The following SLIRP variants were observed in gnomAD, a reference collection of about 807,000 sequenced individuals.
SLIRP encodes the protein SRA stem-loop interacting RNA binding protein.
A neutral mutation model predicts 13.4 loss-of-function variants in SLIRP; 12 were observed. The ratio of observed to expected loss-of-function variants is 0.89; its 90% CI spans 0.57 to 1.45. The LOEUF (loss-of-function observed/expected upper bound fraction) is 1.45, where lower values mean the gene tolerates loss of function less well. Ranked by LOEUF, SLIRP falls within the 40% of genes most tolerant of loss-of-function variation. The pLI is 0.00. For synonymous variants in SLIRP, 55 were observed against 47.1 expected (o/e 1.17, Z -0.69); for missense variants, 154 against 132.2 (o/e 1.17, Z -0.81).
intron 3 of SLIRP, chr14:77,716,200 C>T (rs916035541): frequency 5.6e-6 from 1 of 179,052 alleles, no homozygotes; most frequent in African/African-American, 2.4e-5. Flanking sequence ...CCTGTAGTCC[C>T]AGCTACTCGG....
chr14:77,712,348 A>T (rs2080446797), intron 2 of SLIRP, among the ~76,000 whole-genome samples: 1 of 146,700 alleles, frequency 6.8e-6, no homozygotes, highest in Non-Finnish European at 1.5e-5. Context: ...GTCTCAGCTT[A>T]CTGCAACCTC....
intron 1 of SLIRP, 157 bp from the exon 2 acceptor site, chr14:77,710,681 A>AT: frequency 6.4e-7 from 1 of 1,553,804 alleles, no homozygotes. Context: ...TTATGGCTTT[A>AT]TAGTCAGTAC....
At chr14:77,713,176 A>G (rs981003371) in intron 2 of SLIRP, among the ~76,000 whole-genome samples, 8 of 152,144 alleles carry the variant, frequency 5.3e-5, no homozygotes, top group African/African-American at 1.9e-4. Flanking sequence ...TTCATTGAGT[A>G]CCATTTTCTT....
chr14:77,713,254 G>T (rs1027952909), intron 2 of SLIRP, among the ~76,000 whole-genome samples: 2 of 152,032 alleles, frequency 1.3e-5, no homozygotes, highest in Admixed American at 1.3e-4. Context: ...TCTTGTGAGG[G>T]TTTAGAAATC....
intron 2 of SLIRP, 84 bp downstream of exon 2, chr14:77,710,980 T>C: frequency 9.1e-7 from 1 of 1,102,598 alleles, no homozygotes; most frequent in Non-Finnish European, 1.4e-6. Flanking sequence ...TATTTGATAG[T>C]ACAACAGGGT....
intron 1 of SLIRP, 77 bp downstream of exon 1, chr14:77,708,285 C>G: frequency 6.9e-7 from 1 of 1,443,918 alleles, no homozygotes; most frequent in Non-Finnish European, 9.7e-7. Flanking sequence ...TTGCAGGGTA[C>G]TTAAGTCAGC....
At chr14:77,715,919 T>C in intron 3 of SLIRP, 40 bp downstream of exon 3, 2 of 1,388,814 alleles carry the variant, frequency 1.4e-6, no homozygotes, top group Non-Finnish European at 1.0e-6. Context: ...ATGATATACA[T>C]GTAGGTACTA....
At chr14:77,710,556 G>A in intron 1 of SLIRP, 2 of 1,439,252 alleles carry the variant, frequency 1.4e-6, no homozygotes, top group Non-Finnish European at 1.8e-6. Context: ...TGCTCACAGG[G>A]ATCATAGTCC....
chr14:77,713,866 A>G (rs370475067), intron 2 of SLIRP, among the ~76,000 whole-genome samples: 3 of 152,260 alleles, frequency 2.0e-5, no homozygotes, highest in East Asian at 3.8e-4. Flanking sequence ...AAAAATGAAT[A>G]GATTTTTATT....
Position 77,717,523 on chromosome 14 carries a change from CT to C in SLIRP, c.294del (p.Pro99ArgfsTer17), listed in dbSNP as rs1277080607. The C allele has an allele frequency of 6.2e-7, 1 of 1,614,112 alleles. No homozygotes were observed. The highest frequency in any genetic ancestry group is 8.5e-7 in the Non-Finnish European group (1 of 1,180,006). ...KVQVHTRRPK[L>X]PQTSDDEKKD... Reference sequence around the variant, plus strand: ...CCAGGTTCACACTAGAAGGCCAAAACTTCCGCAAACATCTGATGATGAAAAG... The same window carrying C: ...CCAGGTTCACACTAGAAGGCCAAAACTCCGCAAACATCTGATGATGAAAAG... On this transcript the variant is annotated frameshift_variant, in exon 4 of 4. Coordinates refer to ENST00000557342, the MANE Select transcript of SLIRP (RefSeq NM_031210.6). LOFTEE classifies it high-confidence loss of function.
chr14:77,713,039 TTA>T (rs1459517918), intron 2 of SLIRP, among the ~76,000 whole-genome samples: 1 of 152,050 alleles, frequency 6.6e-6, no homozygotes, highest in Admixed American at 6.6e-5. Context: ...GGGGAGGAGA[TTA>T]TATAGGGTGT....
intron 1 of SLIRP, chr14:77,710,489 C>G: frequency 1.0e-6 from 1 of 983,594 alleles, no homozygotes; most frequent in Non-Finnish European, 1.4e-6. Context: ...ATTTGGAAAT[C>G]TTCAGTATAC....
chr14:77,716,642 CAAAA>C (rs56736320), intron 3 of SLIRP, among the ~76,000 whole-genome samples: 35 of 80,952 alleles, frequency 4.3e-4, no homozygotes, highest in South Asian at 3.5e-3. Flanking sequence ...AACTCCATCT[CAAAA>C]AAAAAAAAAA....
chr14:77,709,761 T>A (rs1033712078), intron 1 of SLIRP, among the ~76,000 whole-genome samples: 2 of 152,228 alleles, frequency 1.3e-5, no homozygotes, highest in African/African-American at 4.8e-5. Flanking sequence ...ATAAAACATA[T>A]GTTTAACATT....
intron 2 of SLIRP, 63 bp from the exon 3 acceptor site, chr14:77,715,709 T>A: frequency 7.3e-7 from 1 of 1,366,126 alleles, no homozygotes. Flanking sequence ...GTAGTTTGAT[T>A]TGGAACTCAT....
chr14:77,714,742 T>C (rs1478416485), intron 2 of SLIRP, among the ~76,000 whole-genome samples: 2 of 152,266 alleles, frequency 1.3e-5, no homozygotes, highest in Non-Finnish European at 2.9e-5. Context: ...TTAATCCTTA[T>C]AAAGTTATCC....
intron 2 of SLIRP, among the ~76,000 whole-genome samples, chr14:77,713,456 T>A (rs1445071046): frequency 6.6e-6 from 1 of 152,138 alleles, no homozygotes; most frequent in Non-Finnish European, 1.5e-5. Flanking sequence ...TCCCAAAGAC[T>A]AACAGATTAG....
chr14:77,711,233 A>C (rs71413472), intron 2 of SLIRP, among the ~76,000 whole-genome samples: 1 of 147,832 alleles, frequency 6.8e-6, no homozygotes, highest in Non-Finnish European at 1.5e-5. Flanking sequence ...AAATATATAC[A>C]CCTAATAATA....
chr14:77,710,624 G>A (rs745584961), intron 1 of SLIRP: 1 of 1,519,024 alleles, frequency 6.6e-7, no homozygotes, highest in South Asian at 1.2e-5. Context: ...GGAGACTGCA[G>A]CCAACTCAAC....
Sources: allele counts gnomAD v4.1 joint callset (sites outside exome capture counted in the v4.1 genomes callset), GRCh38; gene constraint gnomAD v4.1.1; transcripts MANE v1.5; gene names NCBI Gene and HGNC (gene_info 2026-07-23, HGNC 2026-07-21).